The following CSMD1 variants were observed in gnomAD, a reference collection of about 807,000 sequenced individuals.
CSMD1 encodes the protein CUB and Sushi multiple domains 1.
CSMD1 carries 213 observed loss-of-function variants against 417.5 expected under a neutral mutation model. The ratio of observed to expected loss-of-function variants is 0.51; its 90% CI spans 0.46 to 0.57. The LOEUF (loss-of-function observed/expected upper bound fraction) is 0.57. CSMD1 is among the 20% of genes least tolerant of loss of function. The pLI is 0.00. For missense variants in CSMD1, 6,923 were observed against 4,529.7 expected (o/e 1.53, Z -15.17); for synonymous variants, 2,862 against 1,736.8 (o/e 1.65, Z -16.11).
At chr8:3,498,528 T>G (rs1426779218) in intron 10 of CSMD1, among the ~76,000 whole-genome samples, 2 of 152,210 alleles carry the variant, frequency 1.3e-5, no homozygotes, top group Non-Finnish European at 2.9e-5. Context: ...TTCCTGGATC[T>G]GAATGCACAT....
At chr8:3,014,856 C>G (rs1044379556) in intron 52 of CSMD1, among the ~76,000 whole-genome samples, 5 of 151,862 alleles carry the variant, frequency 3.3e-5, no homozygotes, top group African/African-American at 1.2e-4. Context: ...GTCGAGGTAG[C>G]AGTGAGCTGT....
chr8:3,532,226 G>A (rs1798012888), intron 10 of CSMD1, among the ~76,000 whole-genome samples: 1 of 152,166 alleles, frequency 6.6e-6, no homozygotes, highest in African/African-American at 2.4e-5. Flanking sequence ...TTCCTTGGGT[G>A]TGAGACCAAG....
chr8:3,299,567 T>G (rs1804233722), intron 25 of CSMD1, among the ~76,000 whole-genome samples: 1 of 151,618 alleles, frequency 6.6e-6, no homozygotes. Flanking sequence ...GTCTGGCAGA[T>G]AAAAGCACGC....
intron 3 of CSMD1, among the ~76,000 whole-genome samples, chr8:4,163,106 A>C (rs964159577): frequency 6.6e-6 from 1 of 152,180 alleles, no homozygotes; most frequent in African/African-American, 2.4e-5. Context: ...CCATTGTCTG[A>C]TACACCACAA....
intron 22 of CSMD1, among the ~76,000 whole-genome samples, chr8:3,344,518 G>A (rs987246235): frequency 1.3e-5 from 2 of 152,162 alleles, no homozygotes; most frequent in Non-Finnish European, 1.5e-5. Flanking sequence ...TAACAACAGA[G>A]CACTAGGTGG....
At chr8:3,862,729 G>A (rs998426512) in intron 5 of CSMD1, among the ~76,000 whole-genome samples, 3 of 152,170 alleles carry the variant, frequency 2.0e-5, no homozygotes, top group Non-Finnish European at 4.4e-5. Context: ...GAGTAAGGGA[G>A]GCTAGGAGAA....
chr8:3,439,292 T>TAC (rs1563390363), intron 12 of CSMD1, among the ~76,000 whole-genome samples: 1 of 46,188 alleles, frequency 2.2e-5, no homozygotes, highest in Non-Finnish European at 3.6e-5. Context: ...TATATATATA[T>TAC]ATATATATAT....
intron 1 of CSMD1, among the ~76,000 whole-genome samples, chr8:4,955,269 C>T (rs1809015743): frequency 6.6e-6 from 1 of 152,120 alleles, no homozygotes. Flanking sequence ...TCCTTAAAAA[C>T]CAATAAAGTT....
At chr8:3,888,793 A>C (rs532445480) in intron 5 of CSMD1, among the ~76,000 whole-genome samples, 2 of 152,272 alleles carry the variant, frequency 1.3e-5, no homozygotes, top group South Asian at 2.1e-4. Flanking sequence ...CCTTCCAAAT[A>C]GCCCTTCTAA....
chr8:4,758,825 C>G (rs1266648390), intron 1 of CSMD1, among the ~76,000 whole-genome samples: 1 of 152,136 alleles, frequency 6.6e-6, no homozygotes, highest in Non-Finnish European at 1.5e-5. Context: ...CCAACCACCT[C>G]CCACCAGGTC....
intron 5 of CSMD1, among the ~76,000 whole-genome samples, chr8:3,994,724 T>C (rs1815067487): frequency 6.6e-6 from 1 of 152,178 alleles, no homozygotes; most frequent in Non-Finnish European, 1.5e-5. Flanking sequence ...GCACATGACA[T>C]CATCCCCTAT....
At chr8:4,458,316 C>T (rs1217677) in intron 2 of CSMD1, among the ~76,000 whole-genome samples, 118,609 of 151,930 alleles carry the variant, frequency 0.78, 46,552 homozygotes, top group South Asian at 0.89. Context: ...TTTGTGTGCG[C>T]ACAAGGGATC....
At chr8:4,653,936 T>A (rs936832133) in intron 1 of CSMD1, among the ~76,000 whole-genome samples, 1 of 152,198 alleles carries the variant, frequency 6.6e-6, no homozygotes, top group Admixed American at 6.5e-5. Flanking sequence ...AAGTATAATA[T>A]CACAGAGGAT....
chr8:3,581,967 G>C (rs908578870), intron 9 of CSMD1, among the ~76,000 whole-genome samples: 2 of 152,160 alleles, frequency 1.3e-5, no homozygotes, highest in Non-Finnish European at 2.9e-5. Context: ...AGCATGTCTA[G>C]CTAACTCTGC....
In CSMD1 at chr8:3,945,275, C is replaced by T. The variant is rs2129809346; in HGVS notation, c.818+52628G>A. ...ATAAGCTGAACAATACATTCTCCATCATGTAAATTGAAATAATCACTAGTT... is the reference window on the plus strand; with the variant it reads ...ATAAGCTGAACAATACATTCTCCATTATGTAAATTGAAATAATCACTAGTT... On this transcript the variant is annotated intron_variant, in intron 5 of 69. Transcript: ENST00000635120. Among the ~76,000 whole-genome samples, 2 of 151,396 alleles carry T rather than the reference C, an allele frequency of 1.3e-5. 1 individual carries two copies. Among genetic ancestry groups the T allele is most frequent in the South Asian group, 4.2e-4 (2 of 4,796 alleles).
chr8:4,243,668 CA>C (rs1585085818), intron 3 of CSMD1, among the ~76,000 whole-genome samples: 1 of 152,026 alleles, frequency 6.6e-6, no homozygotes, highest in Non-Finnish European at 1.5e-5. Flanking sequence ...TGTGATATTG[CA>C]ACTTAATTTT....
At chr8:4,141,867 G>C (rs376595999) in intron 3 of CSMD1, among the ~76,000 whole-genome samples, 3 of 151,062 alleles carry the variant, frequency 2.0e-5, no homozygotes, top group Admixed American at 6.6e-5. Flanking sequence ...TAGATATTGA[G>C]AGTACCAATC....
chr8:3,883,879 T>A (rs1051916764), intron 5 of CSMD1, among the ~76,000 whole-genome samples: 5 of 152,134 alleles, frequency 3.3e-5, no homozygotes, highest in African/African-American at 9.7e-5. Flanking sequence ...ATACGGTTTT[T>A]CATATGTGTA....
At chr8:4,948,444 C>A (rs1379893904) in intron 1 of CSMD1, among the ~76,000 whole-genome samples, 3 of 150,282 alleles carry the variant, frequency 2.0e-5, no homozygotes, top group African/African-American at 7.3e-5. Context: ...TTTGTTCTTT[C>A]TATTTCTTTC....
Sources: allele counts gnomAD v4.1 joint callset (sites outside exome capture counted in the v4.1 genomes callset), GRCh38; gene constraint gnomAD v4.1.1; transcripts MANE v1.5; gene names NCBI Gene and HGNC (gene_info 2026-07-23, HGNC 2026-07-21).